Variants in EHMT1 observed in about 807,000 individuals in gnomAD.
EHMT1 encodes the protein euchromatic histone lysine methyltransferase 1, also known as histone-lysine N-methyltransferase EHMT1.
In EHMT1, 15 loss-of-function variants were observed where a neutral mutation model predicts 147.2. The ratio of observed to expected loss-of-function variants is 0.10; its 90% confidence interval spans 0.07 to 0.16. EHMT1 has a LOEUF of 0.16. Among genes scored for constraint, EHMT1 ranks in the 10% least tolerant of loss-of-function variants. The probability of loss-of-function intolerance (pLI) is 1.00; values close to 1 mark genes in which losing one functional copy is unlikely to be tolerated. For synonymous variants in EHMT1, 795 were observed against 709.6 expected, an observed-to-expected ratio of 1.12 and a Z score of -1.91; for missense variants, 1,587 against 1,772.4, an observed-to-expected ratio of 0.90 and a Z score of 1.88.
intron 10 of EHMT1, among the ~76,000 whole-genome samples, chr9:137,768,209 C>T (rs1950336023): frequency 6.6e-6 from 1 of 152,138 alleles, no homozygotes; most frequent in Non-Finnish European, 1.5e-5. Context: ...ATGACTGCAT[C>T]ACGGTCCCTT....
chr9:137,750,486 G>T (rs1203664483), intron 6 of EHMT1, among the ~76,000 whole-genome samples: 1 of 152,150 alleles, frequency 6.6e-6, no homozygotes, highest in African/African-American at 2.4e-5. Flanking sequence ...ACAAAAAAAA[G>T]AGTGTTCCTT....
intron 6 of EHMT1, chr9:137,746,252 C>CT (rs1948534861): frequency 6.6e-6 from 1 of 152,194 alleles, no homozygotes; most frequent in African/African-American, 2.4e-5. Flanking sequence ...GTAGCTGGGG[C>CT]TACAGGCACG....
intron 1 of EHMT1, among the ~76,000 whole-genome samples, chr9:137,684,930 CT>C (rs1388317759): frequency 1.4e-4 from 22 of 152,114 alleles, no homozygotes; most frequent in Non-Finnish European, 2.2e-4. Flanking sequence ...ATTTGAATTA[CT>C]GCATATACAT....
intron 8 of EHMT1, 67 bp from the exon 9 acceptor site, chr9:137,757,813 C>T (rs1949494344): frequency 1.9e-6 from 3 of 1,608,540 alleles, no homozygotes; most frequent in Non-Finnish European, 2.5e-6. Context: ...CCTTGCTGCC[C>T]TGTGCGTCTG....
chr9:137,654,921 G>A (rs533218004), intron 1 of EHMT1, among the ~76,000 whole-genome samples: 82 of 152,318 alleles, frequency 5.4e-4, no homozygotes, highest in African/African-American at 1.9e-3. Flanking sequence ...AGCGTGGACA[G>A]CAGAGGTGGT....
At chr9:137,695,514 G>A (rs1433775363) in intron 1 of EHMT1, among the ~76,000 whole-genome samples, 1 of 152,230 alleles carries the variant, frequency 6.6e-6, no homozygotes, top group Non-Finnish European at 1.5e-5. Flanking sequence ...CCCTTTGAGG[G>A]GACAGGAATT....
At chr9:137,636,297 C>A (rs970038694) in intron 1 of EHMT1, among the ~76,000 whole-genome samples, 1 of 152,056 alleles carries the variant, frequency 6.6e-6, no homozygotes, top group African/African-American at 2.4e-5. Flanking sequence ...TGCAACTTTG[C>A]TGAATTTTTT....
intron 10 of EHMT1, among the ~76,000 whole-genome samples, chr9:137,768,368 T>TTTTTC (rs1950354062): frequency 6.8e-6 from 1 of 146,070 alleles, no homozygotes; most frequent in Admixed American, 6.8e-5. Flanking sequence ...TTTTTTTTTT[T>TTTTTC]CTGAGACAGA....
intron 10 of EHMT1, chr9:137,763,500 G>C (rs1349002591): frequency 1.3e-5 from 2 of 156,292 alleles, no homozygotes; most frequent in African/African-American, 4.8e-5. Flanking sequence ...GCTGCCCCGG[G>C]CTTGCATTTG....
chr9:137,756,485 A>G (rs1296800818), intron 8 of EHMT1, among the ~76,000 whole-genome samples: 3 of 152,130 alleles, frequency 2.0e-5, no homozygotes, highest in Admixed American at 2.0e-4. Context: ...ATCCCCTGAA[A>G]AGAGAGGGTT....
At chr9:137,793,409 G>A (rs910455786) in intron 16 of EHMT1, among the ~76,000 whole-genome samples, 1 of 152,244 alleles carries the variant, frequency 6.6e-6, no homozygotes, top group Non-Finnish European at 1.5e-5. Context: ...CTCAGAGGAT[G>A]TGGCAATATC....
At chr9:137,658,510 G>C (rs1345619420) in intron 1 of EHMT1, among the ~76,000 whole-genome samples, 1 of 151,902 alleles carries the variant, frequency 6.6e-6, no homozygotes, top group Non-Finnish European at 1.5e-5. Context: ...ATCTAAGGTA[G>C]CTTCTCCTGT....
chr9:137,755,909 A>G (rs1344996063), intron 8 of EHMT1, among the ~76,000 whole-genome samples: 3 of 152,132 alleles, frequency 2.0e-5, no homozygotes, highest in Admixed American at 6.5e-5. Flanking sequence ...TTTTCTTCTC[A>G]TTGGGTTAAA....
intron 1 of EHMT1, among the ~76,000 whole-genome samples, chr9:137,706,064 C>T (rs1588265548): frequency 1.5e-5 from 1 of 65,996 alleles, no homozygotes. Flanking sequence ...GGGGGTGGGG[C>T]GTCAGCAGGG....
chr9:137,761,540 G>A (rs572607508), intron 9 of EHMT1, among the ~76,000 whole-genome samples: 1 of 152,190 alleles, frequency 6.6e-6, no homozygotes, highest in African/African-American at 2.4e-5. Flanking sequence ...TACAACCTCC[G>A]ACTCCCTGGT....
intron 10 of EHMT1, among the ~76,000 whole-genome samples, chr9:137,769,264 A>AT (rs35382535): frequency 5.3e-5 from 8 of 151,482 alleles, no homozygotes; most frequent in Admixed American, 1.3e-4. Flanking sequence ...TGCTTTAAGT[A>AT]TTTTTTTTTA....
rs576738899 is a variant in EHMT1 at position 137,754,923 on chromosome 9, G to A, written c.1369+632G>A. Among the ~76,000 whole-genome samples the A allele has an allele frequency of 7.9e-5, 12 of 152,276 alleles. No individual in the cohort carries two copies. In the South Asian group the frequency reaches 1.2e-3, roughly 16 times the overall value. On this transcript the variant is annotated intron_variant, in intron 8 of 26. Transcript: ENST00000460843. The stretch of plus-strand genomic sequence containing the variant: ...AGCTCCCACGTTGTGTGCAGGAAGC[G>A]GCCCCTCAGTGAGGCACCTGTGCCT...
At chr9:137,625,589 C>T (rs948455434) in intron 1 of EHMT1, among the ~76,000 whole-genome samples, 7 of 152,024 alleles carry the variant, frequency 4.6e-5, no homozygotes, top group Non-Finnish European at 1.0e-4. Context: ...CTGCCCGCCT[C>T]GGCCTCCCAA....
Position 137,762,752 on chromosome 9 carries a change from C to A in EHMT1, c.1579C>A (p.Pro527Thr), listed in dbSNP as rs776712343. The change falls in exon 10 of 27, where the codon CCG becomes ACG. Residue 527 changes from proline to threonine, a missense_variant. Pro to Thr is a conservative substitution (Grantham distance 38). Around this residue, in one of 7 missense-constraint regions of EHMT1, gnomAD observed 124 missense variants for 197.8 expected, o/e 0.63. Transcript: ENST00000460843. The part of the protein sequence containing the change: ...VPLCSCRMET[P>T]KSREITTLAN... ...TCTCTGCAGCTGCCGGATGGAAACA[C>A]CGAAGAGTCGAGAGATCACCACACT... 1 of 1,614,104 alleles carries A rather than the reference C, an allele frequency of 6.2e-7. No homozygotes were observed.
Sources: allele counts gnomAD v4.1 joint callset (sites outside exome capture counted in the v4.1 genomes callset), GRCh38; gene constraint gnomAD v4.1.1; regional missense constraint gnomAD v4.1.1; transcripts MANE v1.5; gene names NCBI Gene and HGNC (gene_info 2026-07-23, HGNC 2026-07-21).